Variants in AP3B1 observed in about 807,000 individuals in gnomAD.
The protein encoded by AP3B1 is adaptor related protein complex 3 subunit beta 1, also known as AP-3 complex subunit beta-1.
A neutral mutation model predicts 132.5 loss-of-function variants in AP3B1; 61 were observed. That is an observed-to-expected ratio of 0.46 (90% CI 0.37 to 0.57). The LOEUF (loss-of-function observed/expected upper bound fraction) is 0.57, where lower values mean the gene tolerates loss of function less well. Among genes scored for constraint, AP3B1 ranks in the 20% least tolerant of loss-of-function variants. The pLI, the probability that AP3B1 is intolerant of heterozygous loss-of-function variation, is 0.00. For synonymous variants in AP3B1, 388 were observed against 438.3 expected (o/e 0.89, Z 1.43); for missense variants, 1,120 against 1,289.4 (o/e 0.87, Z 2.01).
chr5:78,123,845 T>C (rs1752341366), intron 17 of AP3B1, among the ~76,000 whole-genome samples: 2 of 152,168 alleles, frequency 1.3e-5, no homozygotes, highest in South Asian at 4.1e-4. Flanking sequence ...ATCCCATTAC[T>C]GGGTATATAC....
intron 17 of AP3B1, among the ~76,000 whole-genome samples, chr5:78,119,662 C>T (rs1561420262): frequency 6.6e-6 from 1 of 152,184 alleles, no homozygotes; most frequent in African/African-American, 2.4e-5. Context: ...AAGAAACGAA[C>T]AAAGCCTCCA....
At chr5:78,231,940 T>C (rs1249460964) in intron 3 of AP3B1, among the ~76,000 whole-genome samples, 1 of 152,144 alleles carries the variant, frequency 6.6e-6, no homozygotes, top group Non-Finnish European at 1.5e-5. Context: ...AGAACTAAGA[T>C]TCAAGTCAAG....
intron 15 of AP3B1, among the ~76,000 whole-genome samples, chr5:78,136,924 T>A (rs999024909): frequency 5.9e-5 from 9 of 152,148 alleles, no homozygotes; most frequent in Non-Finnish European, 1.3e-4. Flanking sequence ...GAAAATGAAA[T>A]CTTGGATAGG....
At chr5:78,266,661 T>G (rs1376629798) in intron 2 of AP3B1, among the ~76,000 whole-genome samples, 1 of 152,142 alleles carries the variant, frequency 6.6e-6, no homozygotes, top group Non-Finnish European at 1.5e-5. Flanking sequence ...TATATAAAAT[T>G]AAGTGGAAAA....
chr5:78,021,480 T>TG (rs1747095030), intron 24 of AP3B1, among the ~76,000 whole-genome samples: 1 of 152,168 alleles, frequency 6.6e-6, no homozygotes, highest in South Asian at 2.1e-4. Flanking sequence ...CATGATATTA[T>TG]GATCAATAAA....
chr5:78,206,156 G>C (rs1275935906), intron 7 of AP3B1, among the ~76,000 whole-genome samples: 1 of 151,994 alleles, frequency 6.6e-6, no homozygotes, highest in Non-Finnish European at 1.5e-5. Context: ...ATGAGAATGA[G>C]AAAAGGTCCA....
At chr5:78,252,913 G>A (rs1303504341) in intron 2 of AP3B1, among the ~76,000 whole-genome samples, 1 of 152,234 alleles carries the variant, frequency 6.6e-6, no homozygotes, top group Non-Finnish European at 1.5e-5. Flanking sequence ...GTTACAGCAG[G>A]CCTTGTGCAA....
Position 78,227,505 on chromosome 5 carries a change from C to T in AP3B1, c.403G>A (p.Ala135Thr), listed in dbSNP as rs1270734050. 1.2e-6 allele frequency: 2 copies of T among 1,613,646 alleles called. No homozygotes were observed. The highest frequency in any genetic ancestry group is 1.1e-5 in the South Asian group (1 of 91,068). ...KDPNQLIRAS[A>T]LRVLSSIRVP... Reference sequence around the variant, plus strand: ...CTAATACTTGACAGAACTCTCAAAGCGCTTGCACGAATTAGTTGGTTTGGG... The same window carrying T: ...CTAATACTTGACAGAACTCTCAAAGTGCTTGCACGAATTAGTTGGTTTGGG... The change falls in exon 5 of 27, where the codon GCT (alanine) becomes ACT (threonine). Residue 135 changes from alanine to threonine, a missense_variant. Around this residue, in one of 3 missense-constraint regions of AP3B1, gnomAD observed 129 missense variants for 212.4 expected, o/e 0.61. Transcript: ENST00000255194.
intron 1 of AP3B1, among the ~76,000 whole-genome samples, chr5:78,287,581 G>T (rs1023845868): frequency 6.6e-6 from 1 of 151,954 alleles, no homozygotes; most frequent in Non-Finnish European, 1.5e-5. Flanking sequence ...TAAAACTTAC[G>T]ATCTTATTTT....
At chr5:78,157,364 A>G (rs113328868) in intron 13 of AP3B1, among the ~76,000 whole-genome samples, 3 of 152,280 alleles carry the variant, frequency 2.0e-5, no homozygotes, top group African/African-American at 7.2e-5. Flanking sequence ...ATTCACTTCA[A>G]TCATCCCTTT....
At chr5:78,008,924 T>G (rs1746503239) in intron 26 of AP3B1, among the ~76,000 whole-genome samples, 1 of 151,942 alleles carries the variant, frequency 6.6e-6, no homozygotes, top group Non-Finnish European at 1.5e-5. Flanking sequence ...AAACTAAGAA[T>G]AGAGAAAGGG....
chr5:78,141,123 G>A lies in AP3B1; in HGVS notation c.1650+20C>T, dbSNP rs374194943. On this transcript the variant is annotated intron_variant, in intron 15 of 26. Coordinates refer to ENST00000255194, the MANE Select transcript of AP3B1 (RefSeq NM_003664.5). ...GAGGAAAGTACGTATTAGATAGGTT[G>A]ACTAACATTTGCCTCTCACCTGTTT... The A allele has an allele frequency of 6.8e-6, 11 of 1,609,272 alleles. No homozygotes were observed. The highest frequency in any genetic ancestry group is 9.4e-6 in the Non-Finnish European group (11 of 1,175,850).
chr5:78,144,995 G>C (rs1054467533), intron 14 of AP3B1, among the ~76,000 whole-genome samples: 2 of 152,102 alleles, frequency 1.3e-5, no homozygotes, highest in Admixed American at 1.3e-4. Context: ...CACCATGCCA[G>C]CTGATAGTAT....
chr5:78,162,672 A>G (rs1337117290), intron 13 of AP3B1, 147 bp downstream of exon 13: 8 of 790,818 alleles, frequency 1.0e-5, no homozygotes, highest in Non-Finnish European at 1.6e-5. Flanking sequence ...ATGTGCATTC[A>G]AGGATAAAAT....
chr5:78,075,848 C>T (rs1273015151), intron 22 of AP3B1, among the ~76,000 whole-genome samples: 1 of 152,192 alleles, frequency 6.6e-6, no homozygotes, highest in African/African-American at 2.4e-5. Context: ...ATATTCCATG[C>T]TAGCTTCACC....
chr5:78,202,388 A>G (rs1018576017), intron 7 of AP3B1, among the ~76,000 whole-genome samples: 1 of 152,162 alleles, frequency 6.6e-6, no homozygotes, highest in African/African-American at 2.4e-5. Flanking sequence ...CCCCCAAGAT[A>G]TACAGATGGC....
At chr5:78,031,650 C>G (rs1747580693) in intron 24 of AP3B1, among the ~76,000 whole-genome samples, 2 of 151,886 alleles carry the variant, frequency 1.3e-5, no homozygotes, top group Non-Finnish European at 2.9e-5. Context: ...CTTAAGACCC[C>G]TACTCATGCT....
rs1257501444 is a variant in AP3B1, at chr5:78,150,990, T to C, written c.1473+5268A>G. On this transcript the variant is annotated intron_variant, in intron 14 of 26. Transcript: ENST00000255194. Reference sequence around the variant, plus strand: ...CTGGAGTGCAGTGGCACAATCTCAGTTCACTGTAGCCTCCACCTCCCATGT... The same window carrying C: ...CTGGAGTGCAGTGGCACAATCTCAGCTCACTGTAGCCTCCACCTCCCATGT... 3.9e-5 allele frequency among the ~76,000 whole-genome samples: 6 copies of C among 152,178 alleles called. No homozygotes were observed. The East Asian group carries it at 1.2e-3, about 29-fold the overall frequency.
At chr5:78,044,334 C>T (rs1292161435) in intron 22 of AP3B1, among the ~76,000 whole-genome samples, 1 of 152,166 alleles carries the variant, frequency 6.6e-6, no homozygotes, top group Admixed American at 6.5e-5. Flanking sequence ...TAAATATAAG[C>T]TCTTATCTGG....
Sources: allele counts gnomAD v4.1 joint callset (sites outside exome capture counted in the v4.1 genomes callset), GRCh38; gene constraint gnomAD v4.1.1; regional missense constraint gnomAD v4.1.1; transcripts MANE v1.5; gene names NCBI Gene and HGNC (gene_info 2026-07-23, HGNC 2026-07-21).